The following TENM2 variants were observed in gnomAD, a reference collection of about 807,000 sequenced individuals.
TENM2 encodes teneurin-2.
TENM2 carries 52 observed loss-of-function variants against 245.2 expected under a neutral mutation model. The observed-to-expected ratio is 0.21, with a 90% confidence interval of 0.17 to 0.27. TENM2 has a LOEUF of 0.27. TENM2 is among the 10% of genes least tolerant of loss of function. TENM2 has a pLI of 1.00. For missense variants in TENM2, 3,046 were observed against 3,666.8 expected (o/e 0.83, Z 4.37); for synonymous variants, 1,363 against 1,438.9 (o/e 0.95, Z 1.19).
At chr5:167,396,767 G>A (rs1409993256) in intron 2 of TENM2, among the ~76,000 whole-genome samples, 2 of 152,138 alleles carry the variant, frequency 1.3e-5, no homozygotes, top group Admixed American at 6.6e-5. Flanking sequence ...TTGGAGAAAT[G>A]GTTAAGACTT....
chr5:167,884,819 A>C (rs1395653647), intron 3 of TENM2, among the ~76,000 whole-genome samples: 1 of 152,168 alleles, frequency 6.6e-6, no homozygotes, highest in Non-Finnish European at 1.5e-5. Flanking sequence ...TTAATTTTTT[A>C]AAGATTTGAC....
the TENM2 span, among the ~76,000 whole-genome samples, chr5:167,206,226 C>T: frequency 1.3e-5 from 2 of 152,188 alleles, no homozygotes; most frequent in African/African-American, 2.4e-5. Context: ...ATCATCATTC[C>T]TGAGGCCTCC....
chr5:167,807,124 TAAAAAAAAAAAAAAAAAA>T (rs1178739925), intron 2 of TENM2, among the ~76,000 whole-genome samples: 7 of 49,082 alleles, frequency 1.4e-4, no homozygotes, highest in Admixed American at 6.6e-4. Flanking sequence ...GCCCCTAGGT[TAAAAAAAAAAAAAAAAAA>T]AAAAAAAAAA....
chr5:168,179,134 G>GA (rs35502066), intron 13 of TENM2, among the ~76,000 whole-genome samples: 2,070 of 99,878 alleles, frequency 0.021, 37 homozygotes, highest in Middle Eastern at 0.035. Flanking sequence ...GACTCTGCCT[G>GA]AAAAAAAAAA....
At chr5:168,211,400 C>T (rs1208516563) in intron 19 of TENM2, among the ~76,000 whole-genome samples, 2 of 152,240 alleles carry the variant, frequency 1.3e-5, no homozygotes, top group Non-Finnish European at 2.9e-5. Context: ...TACTGGCCAA[C>T]ACATGTTGGC....
At chr5:167,456,379 G>A (rs1005341158) in intron 2 of TENM2, among the ~76,000 whole-genome samples, 1 of 152,114 alleles carries the variant, frequency 6.6e-6, no homozygotes, top group African/African-American at 2.4e-5. Context: ...TATCTAATAA[G>A]CACTGATGAA....
chr5:167,901,885 G>T (rs972376285), intron 3 of TENM2, among the ~76,000 whole-genome samples: 1 of 152,104 alleles, frequency 6.6e-6, no homozygotes, highest in African/African-American at 2.4e-5. Context: ...TAATAAAATT[G>T]TAGAGGTAGA....
intron 4 of TENM2, among the ~76,000 whole-genome samples, chr5:167,974,001 A>AAGG (rs1782007695): frequency 3.1e-5 from 3 of 95,524 alleles, no homozygotes; most frequent in African/African-American, 5.6e-5. Context: ...GGAAGGGAGA[A>AAGG]AGGGAGGGAG....
chr5:167,456,808 A>C (rs1765952299), intron 2 of TENM2, among the ~76,000 whole-genome samples: 1 of 152,220 alleles, frequency 6.6e-6, no homozygotes, highest in Non-Finnish European at 1.5e-5. Context: ...GGTTTATGCC[A>C]TCTGTTCATC....
intron 10 of TENM2, among the ~76,000 whole-genome samples, chr5:168,123,140 A>AG: frequency 6.6e-6 from 1 of 151,990 alleles, no homozygotes; most frequent in South Asian, 2.1e-4. Flanking sequence ...CTAGAGAAAA[A>AG]AAAAAAAACA....
At chr5:167,459,676 T>A (rs1438109249) in intron 2 of TENM2, among the ~76,000 whole-genome samples, 2 of 152,214 alleles carry the variant, frequency 1.3e-5, no homozygotes, top group African/African-American at 4.8e-5. Flanking sequence ...CACCAACACC[T>A]GTTATTTTCT....
chr5:167,736,632 ATG>A (rs1760819259), intron 2 of TENM2, among the ~76,000 whole-genome samples: 1 of 150,814 alleles, frequency 6.6e-6, no homozygotes, highest in Non-Finnish European at 1.5e-5. Context: ...ACTCTAATAA[ATG>A]TGTTGGATTA....
rs116487308 is a variant in TENM2, at chr5:167,408,502, A to G, written c.502+33029A>G. ...GTGATAAATGACATTTTTATTCTTG[A>G]CATGTTACTCTTTATTATATCATTG... On this transcript the variant is annotated intron_variant, in intron 2 of 28. Coordinates refer to ENST00000518659, the Ensembl canonical transcript of TENM2. Among the ~76,000 whole-genome samples, 70 of 152,166 alleles carry G rather than the reference A, an allele frequency of 4.6e-4. 2 individuals are homozygous for G. The highest frequency in any genetic ancestry group is 1.6e-3 in the African/African-American group (67 of 41,538).
At chr5:167,358,324 G>A (rs971779322) in intron 1 of TENM2, among the ~76,000 whole-genome samples, 4 of 152,042 alleles carry the variant, frequency 2.6e-5, no homozygotes, top group Non-Finnish European at 4.4e-5. Context: ...CATCATAATT[G>A]TCCATTCTCA....
intron 25 of TENM2, among the ~76,000 whole-genome samples, chr5:168,242,851 G>A (rs1766223893): frequency 6.6e-6 from 1 of 152,016 alleles, no homozygotes. Context: ...TACTCAGGAG[G>A]GAGGCTGAGG....
In TENM2 at chr5:167,933,526, G is replaced by A. The variant is rs551863748; in HGVS notation, c.713-19062G>A. On this transcript the variant is annotated intron_variant, in intron 3 of 28. Transcript: ENST00000518659. ...TGCTCATTATGCTCTCTTTAAAAAT[G>A]CAGCCAAATTTAGCTTCCAATTTGG... Among the ~76,000 whole-genome samples the A allele has an allele frequency of 7.9e-5, 12 of 152,296 alleles. 1 individual carries two copies. The highest frequency in any genetic ancestry group is 2.4e-4 in the African/African-American group (10 of 41,562).
At chr5:168,006,555 G>T (rs1032976984) in intron 5 of TENM2, among the ~76,000 whole-genome samples, 1 of 152,094 alleles carries the variant, frequency 6.6e-6, no homozygotes, top group Non-Finnish European at 1.5e-5. Flanking sequence ...ACTAACTGGG[G>T]CCCGCTGCCT....
At chr5:168,034,061 ATATGTG>A (rs1455486803) in intron 5 of TENM2, among the ~76,000 whole-genome samples, 2 of 121,284 alleles carry the variant, frequency 1.6e-5, no homozygotes, top group Non-Finnish European at 3.7e-5. Context: ...ATATATATAT[ATATGTG>A]TATATATATG....
intron 2 of TENM2, among the ~76,000 whole-genome samples, chr5:167,816,920 T>TAAGAGA (rs781415274): frequency 7.9e-5 from 12 of 151,970 alleles, no homozygotes; most frequent in Non-Finnish European, 1.6e-4. Flanking sequence ...AAGGGAAAAA[T>TAAGAGA]AAGAGAAATG....
Sources: gnomAD v4.1 joint callset for allele counts (sites outside exome capture counted in the v4.1 genomes callset) on GRCh38, gnomAD v4.1.1 for gene constraint, MANE v1.5 for transcripts, NCBI Gene and HGNC (gene_info 2026-07-23, HGNC 2026-07-21) for gene names.